Variants in UTRN observed in about 807,000 individuals in gnomAD.
The protein encoded by UTRN is dystrophin-related protein 1.
Under a neutral mutation model 463.9 loss-of-function variants are expected in UTRN, and 283 were observed. The observed-to-expected ratio is 0.61, with a 90% CI of 0.55 to 0.67. The LOEUF (loss-of-function observed/expected upper bound fraction) is 0.67, where lower values mean the gene tolerates loss of function less well. Ranked by LOEUF, UTRN falls within the 30% of genes least tolerant of loss-of-function variation. The pLI, the probability that UTRN is intolerant of heterozygous loss-of-function variation, is 0.00. For missense variants in UTRN, 3,922 were observed against 4,084.3 expected (o/e 0.96, Z 1.08); for synonymous variants, 1,442 against 1,431.5 (o/e 1.01, Z -0.17).
chr6:144,720,419 A>G (rs1232115719), intron 53 of UTRN, among the ~76,000 whole-genome samples: 2 of 152,248 alleles, frequency 1.3e-5, no homozygotes, highest in African/African-American at 4.8e-5. Context: ...GAGGCACACC[A>G]GTAGCATCCA....
intron 41 of UTRN, among the ~76,000 whole-genome samples, chr6:144,528,577 C>T (rs1796764452): frequency 6.6e-6 from 1 of 152,186 alleles, no homozygotes; most frequent in Admixed American, 6.5e-5. Context: ...CTGAAGCTAG[C>T]CATCCAGCAC....
intron 51 of UTRN, among the ~76,000 whole-genome samples, chr6:144,674,625 T>A (rs1472937629): frequency 6.6e-6 from 1 of 152,158 alleles, no homozygotes; most frequent in African/African-American, 2.4e-5. Flanking sequence ...GGTGTGACCT[T>A]GGCCCACTGC....
At chr6:144,595,377 T>C (rs764836002) in intron 51 of UTRN, among the ~76,000 whole-genome samples, 22 of 152,222 alleles carry the variant, frequency 1.4e-4, no homozygotes, top group Admixed American at 2.0e-4. Flanking sequence ...ACTGCTGAAA[T>C]GCGTTTTGAA....
chr6:144,362,809 G>A (rs1779193271), intron 2 of UTRN, among the ~76,000 whole-genome samples: 1 of 152,190 alleles, frequency 6.6e-6, no homozygotes, highest in Admixed American at 6.5e-5. Flanking sequence ...TACAACATCT[G>A]ACCTATGAGG....
intron 53 of UTRN, chr6:144,708,148 A>G (rs945327107): frequency 2.2e-6 from 1 of 453,548 alleles, no homozygotes; most frequent in Non-Finnish European, 4.2e-6. Context: ...TCAGTGTCTG[A>G]TCATTTGATA....
chr6:144,567,754 T>A (rs1389508213), intron 50 of UTRN, among the ~76,000 whole-genome samples: 1 of 152,190 alleles, frequency 6.6e-6, no homozygotes, highest in Non-Finnish European at 1.5e-5. Flanking sequence ...TATTTAAATA[T>A]TATATTAATG....
At chr6:144,392,503 A>T (rs1782027775) in intron 2 of UTRN, among the ~76,000 whole-genome samples, 1 of 152,246 alleles carries the variant, frequency 6.6e-6, no homozygotes, top group African/African-American at 2.4e-5. Flanking sequence ...CTAACATTCT[A>T]ATTATGCCAA....
At chr6:144,840,257 A>G (rs1316084149) in intron 72 of UTRN, among the ~76,000 whole-genome samples, 1 of 152,146 alleles carries the variant, frequency 6.6e-6, no homozygotes, top group East Asian at 1.9e-4. Flanking sequence ...ACTATGGATT[A>G]TAGGATAAAA....
At chr6:144,766,934 G>A (rs976736885) in intron 58 of UTRN, among the ~76,000 whole-genome samples, 1 of 152,072 alleles carries the variant, frequency 6.6e-6, no homozygotes, top group African/African-American at 2.4e-5. Context: ...TAAGAAGGGG[G>A]ACAATTTCTC....
intron 2 of UTRN, among the ~76,000 whole-genome samples, chr6:144,380,980 T>TTTC (rs1562319190): frequency 2.6e-5 from 4 of 151,908 alleles, no homozygotes; most frequent in African/African-American, 9.7e-5. Flanking sequence ...TCCTTTCTTT[T>TTTC]TTTCTTTCTT....
rs993315256 is a variant in UTRN at position 144,396,547 on chromosome 6, T to TA, written c.80-6568dup. On this transcript the variant is annotated intron_variant, in intron 2 of 74. Coordinates refer to ENST00000367545, the MANE Select transcript of UTRN (RefSeq NM_007124.3). The stretch of plus-strand genomic sequence containing the variant: ...ATATTGTTATGTATTTTACCACAAT[T>TA]AAAAAAAATCTATTAATATGCCAAA... Among the ~76,000 whole-genome samples the TA allele has an allele frequency of 4.6e-5, 7 of 152,114 alleles. No individual in the cohort carries two copies. In the South Asian group the frequency reaches 1.2e-3, roughly 27 times the overall value.
chr6:144,533,431 A>G (rs1238662482), intron 43 of UTRN, among the ~76,000 whole-genome samples, 171 bp downstream of exon 43: 1 of 152,210 alleles, frequency 6.6e-6, no homozygotes, highest in Admixed American at 6.5e-5. Context: ...TAGGCTGTCC[A>G]TAAAGTCTCA....
At position 144,748,472 on chromosome 6, in the gene UTRN, C is replaced by T; in HGVS notation, c.8166C>T (p.Asp2722=). The change falls in exon 55 of 75, where the codon GAC becomes GAT. Residue 2722 remains aspartate, a synonymous_variant. Coordinates refer to ENST00000367545, the MANE Select transcript of UTRN (RefSeq NM_007124.3). ...SVRNGWKPVG[D]LLIDSLQDHI... Reference sequence around the variant, plus strand: ...GGAATGGCTGGAAGCCCGTGGGAGACTTACTCATTGACTCGCTGCAGGATC... The same window carrying T: ...GGAATGGCTGGAAGCCCGTGGGAGATTTACTCATTGACTCGCTGCAGGATC... The T allele has an allele frequency of 6.2e-7, 1 of 1,613,964 alleles. No individual in the cohort carries two copies. The highest frequency in any genetic ancestry group is 8.5e-7 in the Non-Finnish European group (1 of 1,179,910).
chr6:144,349,175 A>AT lies in UTRN; in HGVS notation c.80-53942dup, dbSNP rs1382009542. ...AGGCGCCCGCCATCACGCCCGGCTA[A>AT]TTTTTTGTATTTTTAGTAGAGACGG... is the stretch of plus-strand genomic sequence containing the variant. On this transcript the variant is annotated intron_variant, in intron 2 of 74. Transcript: ENST00000367545. 3.3e-5 allele frequency among the ~76,000 whole-genome samples: 5 copies of AT among 152,110 alleles called. No homozygotes were observed. The South Asian group carries it at 6.2e-4, about 19-fold the overall frequency.
rs7764497 is a variant in UTRN at position 144,707,370 on chromosome 6, A to G, written c.7809+7127A>G. Among the ~76,000 whole-genome samples the G allele has an allele frequency of 3.1e-3, 475 of 152,284 alleles. 1 individual carries two copies. The highest frequency in any genetic ancestry group is 0.011 in the African/African-American group (456 of 41,570). On this transcript the variant is annotated intron_variant, in intron 53 of 74. Transcript: ENST00000367545. ...GATTGAGATAGTTGACTTCTAGACC[A>G]TCTCTGTTCCATACTTGCTGTATGA... is the stretch of plus-strand genomic sequence containing the variant.
chr6:144,847,678 T>G (rs1782139983), intron 74 of UTRN, among the ~76,000 whole-genome samples: 1 of 152,124 alleles, frequency 6.6e-6, no homozygotes, highest in Non-Finnish European at 1.5e-5. Context: ...CAGGGTGAAA[T>G]TCAACAAAAC....
chr6:144,437,477 T>C (rs980847671), intron 10 of UTRN, 88 bp from the exon 11 acceptor site: 13 of 1,314,794 alleles, frequency 9.9e-6, no homozygotes, highest in African/African-American at 1.6e-5. Context: ...ATCACTGACA[T>C]TTAGGTTAGG....
chr6:144,485,623 C>T, intron 28 of UTRN, 104 bp downstream of exon 28: 1 of 1,494,336 alleles, frequency 6.7e-7, no homozygotes, highest in Non-Finnish European at 9.0e-7. Context: ...GCATTTGCTT[C>T]CTCAGTGGTT....
At chr6:144,459,567 T>C (rs573132297) in intron 21 of UTRN, among the ~76,000 whole-genome samples, 17 of 152,286 alleles carry the variant, frequency 1.1e-4, no homozygotes, top group Admixed American at 6.5e-4. Flanking sequence ...TTTCACATTC[T>C]CTAAAATTGT....
Sources: allele counts gnomAD v4.1 joint callset (sites outside exome capture counted in the v4.1 genomes callset), GRCh38; gene constraint gnomAD v4.1.1; transcripts MANE v1.5; gene names NCBI Gene and HGNC (gene_info 2026-07-23, HGNC 2026-07-21).